RABGAP1L: variants seen among roughly 807,000 people sequenced by gnomAD.
RABGAP1L encodes RAB GTPase activating protein 1 like.
Under a neutral mutation model 137.7 loss-of-function variants are expected in RABGAP1L, and 63 were observed. The observed-to-expected ratio is 0.46, with a 90% CI of 0.37 to 0.56. The LOEUF (loss-of-function observed/expected upper bound fraction) is 0.56. RABGAP1L is among the 20% of genes least tolerant of loss of function. The pLI, the probability that RABGAP1L is intolerant of heterozygous loss-of-function variation, is 0.00. For missense variants in RABGAP1L, 1,095 were observed against 1,244.0 expected, an observed-to-expected ratio of 0.88 and a Z score of 1.80; for synonymous variants, 431 against 433.7, an observed-to-expected ratio of 0.99 and a Z score of 0.08.
At chr1:174,503,747 A>G (rs768240479) in intron 13 of RABGAP1L, among the ~76,000 whole-genome samples, 5 of 151,998 alleles carry the variant, frequency 3.3e-5, no homozygotes, top group Non-Finnish European at 5.9e-5. Flanking sequence ...AGAAATGAAG[A>G]AAACAATTCC....
chr1:174,268,935 C>T (rs1324223897), intron 7 of RABGAP1L, among the ~76,000 whole-genome samples: 1 of 151,264 alleles, frequency 6.6e-6, no homozygotes, highest in Non-Finnish European at 1.5e-5. Flanking sequence ...TTTTCTTTTT[C>T]TTTTTTTTCT....
rs139627684 is a variant in RABGAP1L at position 174,709,045 on chromosome 1, A to T, written c.2169+6789A>T. The stretch of plus-strand genomic sequence containing the variant: ...GCAGTTTTCCCCTCACAGTGTAAAC[A>T]AAGCCTCCAGGAAATTCGAACTAGT... On this transcript the variant is annotated intron_variant, in intron 17 of 25. Transcript: ENST00000681986. Among the ~76,000 whole-genome samples the T allele has an allele frequency of 3.3e-3, 498 of 152,334 alleles. 3 individuals carry two copies. The highest frequency in any genetic ancestry group is 0.012 in the African/African-American group (484 of 41,578).
intron 13 of RABGAP1L, among the ~76,000 whole-genome samples, chr1:174,475,049 AT>A (rs1658359975): frequency 6.6e-6 from 1 of 152,076 alleles, no homozygotes; most frequent in East Asian, 1.9e-4. Flanking sequence ...AATAAATATC[AT>A]TTATTAATAA....
At chr1:174,650,992 A>C (rs200945317) in intron 14 of RABGAP1L, among the ~76,000 whole-genome samples, 1 of 148,642 alleles carries the variant, frequency 6.7e-6, no homozygotes, top group Non-Finnish European at 1.5e-5. Flanking sequence ...ATTTCCCTCT[A>C]CACACTGCTT....
At chr1:174,254,708 G>A (rs1160739118) in intron 7 of RABGAP1L, among the ~76,000 whole-genome samples, 1 of 152,286 alleles carries the variant, frequency 6.6e-6, no homozygotes, top group Non-Finnish European at 1.5e-5. Flanking sequence ...TGGTGTATAT[G>A]TGCCACATTT....
At chr1:174,989,101 T>C (rs1033145580) in intron 25 of RABGAP1L, among the ~76,000 whole-genome samples, 52 of 152,308 alleles carry the variant, frequency 3.4e-4, no homozygotes, top group African/African-American at 1.1e-3. Flanking sequence ...TTTTTTACCC[T>C]GAGATTTTTT....
intron 13 of RABGAP1L, among the ~76,000 whole-genome samples, chr1:174,482,757 G>T (rs899387999): frequency 6.6e-6 from 1 of 152,186 alleles, no homozygotes; most frequent in African/African-American, 2.4e-5. Flanking sequence ...GATTACAGGG[G>T]TGAGCCACCA....
chr1:174,471,817 C>A (rs569265609), intron 13 of RABGAP1L, among the ~76,000 whole-genome samples: 22 of 152,066 alleles, frequency 1.4e-4, no homozygotes, highest in Non-Finnish European at 2.5e-4. Context: ...CCTCTCCTGG[C>A]GTTCATATAT....
chr1:174,721,509 A>C (rs2148591733), intron 17 of RABGAP1L, among the ~76,000 whole-genome samples: 1 of 152,342 alleles, frequency 6.6e-6, no homozygotes, highest in Admixed American at 6.5e-5. Context: ...CAACAAAGCC[A>C]AGTTGACAGA....
intron 1 of RABGAP1L, among the ~76,000 whole-genome samples, chr1:174,168,440 A>G (rs918168166): frequency 6.6e-6 from 1 of 152,034 alleles, no homozygotes; most frequent in Non-Finnish European, 1.5e-5. Context: ...ACCAGACCTC[A>G]TTCATTTATT....
At chr1:174,620,637 G>A (rs1388819340) in intron 13 of RABGAP1L, among the ~76,000 whole-genome samples, 3 of 152,092 alleles carry the variant, frequency 2.0e-5, no homozygotes, top group African/African-American at 4.8e-5. Context: ...TCAAAGCAGT[G>A]TATAGAGGGA....
intron 13 of RABGAP1L, among the ~76,000 whole-genome samples, chr1:174,551,021 T>TATATACAC (rs1553330343): frequency 4.1e-5 from 5 of 122,816 alleles, no homozygotes; most frequent in African/African-American, 1.5e-4. Flanking sequence ...TATATATATA[T>TATATACAC]ACATACACAC....
rs944688581 is a variant in RABGAP1L at position 174,825,336 on chromosome 1, G to A, written c.2340+13376G>A. 5.3e-5 allele frequency among the ~76,000 whole-genome samples: 8 copies of A among 152,222 alleles called. No homozygotes were observed. The East Asian group carries it at 1.5e-3, about 29-fold the overall frequency. ...TGGCACAAGTTCAACAGATTTATCA[G>A]TGTGTTAGCCTTTCCAGGCACTGCC... On this transcript the variant is annotated intron_variant, in intron 19 of 25. Transcript: ENST00000681986.
intron 13 of RABGAP1L, among the ~76,000 whole-genome samples, chr1:174,430,186 A>G (rs1273840827): frequency 6.6e-6 from 1 of 152,038 alleles, no homozygotes; most frequent in African/African-American, 2.4e-5. Context: ...GGATGAGACC[A>G]GCCTGGGCAA....
chr1:174,195,612 TCTTTCTTCCTTCCTTC>T (rs1435520369), intron 1 of RABGAP1L, among the ~76,000 whole-genome samples: 13 of 60,008 alleles, frequency 2.2e-4, no homozygotes, highest in South Asian at 5.7e-4. Flanking sequence ...TTTCTTTCTT[TCTTTCTTCCTTCCTTC>T]CTTCCTTCCT....
At chr1:174,678,473 A>C (rs1246718030) in intron 14 of RABGAP1L, among the ~76,000 whole-genome samples, 2 of 152,196 alleles carry the variant, frequency 1.3e-5, no homozygotes, top group Non-Finnish European at 2.9e-5. Context: ...AACAAAACAA[A>C]AAAAAAAGAG....
intron 11 of RABGAP1L, among the ~76,000 whole-genome samples, chr1:174,355,347 GCAAAC>G (rs1683536744): frequency 6.6e-6 from 1 of 151,470 alleles, no homozygotes; most frequent in Non-Finnish European, 1.5e-5. Context: ...ATCATTCTCA[GCAAAC>G]TATCGCAAGG....
chr1:174,961,528 C>T (rs1454798853), intron 20 of RABGAP1L, among the ~76,000 whole-genome samples: 2 of 152,072 alleles, frequency 1.3e-5, no homozygotes, highest in African/African-American at 4.8e-5. Flanking sequence ...ACTATTTGCA[C>T]AAATGTGAGT....
At chr1:174,240,237 T>C (rs917256488) in intron 4 of RABGAP1L, among the ~76,000 whole-genome samples, 1 of 151,728 alleles carries the variant, frequency 6.6e-6, no homozygotes, top group Non-Finnish European at 1.5e-5. Flanking sequence ...TTTGTTTTGT[T>C]TTTGTTTTTG....
Sources: gnomAD v4.1 joint callset for allele counts (sites outside exome capture counted in the v4.1 genomes callset) on GRCh38, gnomAD v4.1.1 for gene constraint, MANE v1.5 for transcripts, NCBI Gene and HGNC (gene_info 2026-07-23, HGNC 2026-07-21) for gene names.